The following MARK2 variants were observed in gnomAD, a reference collection of about 807,000 sequenced individuals.
The protein encoded by MARK2 is serine/threonine-protein kinase MARK2.
A neutral mutation model predicts 89.8 loss-of-function variants in MARK2; 16 were observed. The observed-to-expected ratio is 0.18, with a 90% CI of 0.12 to 0.27. The LOEUF (loss-of-function observed/expected upper bound fraction) is 0.27. MARK2 is among the 10% of genes least tolerant of loss of function. MARK2 has a pLI of 1.00. For missense variants in MARK2, 621 were observed against 1,049.9 expected (o/e 0.59, Z 5.65); for synonymous variants, 382 against 399.5 (o/e 0.96, Z 0.52).
chr11:63,902,928 A>C lies in MARK2; in HGVS notation c.1417-133A>C. On this transcript the variant is annotated intron_variant, in intron 13 of 18. Transcript: ENST00000402010. The surrounding 1 kb of genome is among the most constrained non-coding windows in gnomAD (Gnocchi z 4.2). ...CCTCGCTCCCAGCAGTAAATGCAGA[A>C]TCCTTTCCTTAACCTACCACTGTCT... is the stretch of plus-strand genomic sequence containing the variant. The C allele has an allele frequency of 9.5e-7, 1 of 1,049,624 alleles. No individual in the cohort carries two copies. The highest frequency in any genetic ancestry group is 1.4e-5 in the South Asian group (1 of 73,792). The allele number at this position is 1,049,624 out of a possible 1,614,324, so 65.0% of individuals were successfully genotyped here.
Position 63,904,032 on chromosome 11 carries a change from G to A in MARK2, c.1561G>A (p.Ala521Thr), listed in dbSNP as rs771286708. The A allele has an allele frequency of 2.4e-5, 39 of 1,606,568 alleles. No individual in the cohort carries two copies. Among genetic ancestry groups the A allele is most frequent in the Admixed American group, 5.0e-5 (3 of 59,732 alleles). Residue 521 changes from alanine to threonine, a missense_variant, in exon 15 of 19, where the codon GCA becomes ACA. By Grantham distance (58) the Ala-to-Thr change is moderately conservative. Coordinates refer to ENST00000402010, the MANE Select transcript of MARK2 (RefSeq NM_001039469.3). The surrounding 1 kb of genome is among the most constrained non-coding windows in gnomAD (Gnocchi z 6.3). ...GGCCTCCACGGCTTCTGCTTCTGCC[G>A]CAGTCTCTGCGGCCCGGCCCCGCCA... ...SRASTASASA[A>T]VSAARPRQHQ...
Position 63,909,627 on chromosome 11 carries a change from TTG to T in MARK2, c.*391_*392del, listed in dbSNP as rs1941623718. On this transcript the variant is annotated 3_prime_UTR_variant, in exon 19 of 19. Transcript: ENST00000402010. ...GCGGCCACCTTTCCTCCCTGCCCCA[TTG>T]GGACAGTCGAGACTGGATCTGTGGG... 6.3e-6 allele frequency: 1 copy of T among 158,576 alleles called. No homozygotes were observed. The highest frequency in any genetic ancestry group is 1.4e-5 in the Non-Finnish European group (1 of 72,310). 9.8% of individuals were successfully genotyped at this position (158,576 alleles called of 1,614,324 possible). A position where few individuals can be genotyped will look rare whatever the true frequency, so the allele number is the denominator to read the frequency against.
intron 1 of MARK2, among the ~76,000 whole-genome samples, chr11:63,853,377 C>T (rs1180107645): frequency 3.4e-5 from 5 of 149,014 alleles, no homozygotes; most frequent in Non-Finnish European, 7.4e-5. Context: ...CCAGCCTGGG[C>T]GACAAGAGCG....
rs1940643064 is a variant in MARK2 at position 63,898,962 on chromosome 11, G to A, written c.475-90G>A. The A allele has an allele frequency of 2.5e-6, 3 of 1,223,086 alleles. No homozygotes were observed. The African/African-American group carries it at 4.5e-5, about 18-fold the overall frequency. The allele number at this position is 1,223,086 out of a possible 1,614,324, so 75.8% of individuals were successfully genotyped here. A position where few individuals can be genotyped will look rare whatever the true frequency, so the allele number is the denominator to read the frequency against. On this transcript the variant is annotated intron_variant, in intron 6 of 18. Coordinates refer to ENST00000402010, the MANE Select transcript of MARK2 (RefSeq NM_001039469.3). ...TGGGCTCTGCTTATCCGTGTGGCAGGTTAGCACTAAGTCACAGGGTCACTG... is the reference window on the plus strand; with the variant it reads ...TGGGCTCTGCTTATCCGTGTGGCAGATTAGCACTAAGTCACAGGGTCACTG...
intron 1 of MARK2, among the ~76,000 whole-genome samples, chr11:63,840,389 C>T (rs112323333): frequency 6.6e-6 from 1 of 152,140 alleles, no homozygotes; most frequent in Non-Finnish European, 1.5e-5. Flanking sequence ...GTCCCTGGGC[C>T]TCTTGTTTCT....
rs1939543224 is a variant in MARK2 at position 63,888,476 on chromosome 11, C to T, written c.55-6683C>T. On this transcript the variant is annotated intron_variant, in intron 1 of 18. Transcript: ENST00000402010. ...AGCACCTTGGGGAGGGTGGGGCTGC[C>T]CACTTCCGGGGAGGGGGGGAGGGGG... 4.0e-6 allele frequency: 4 copies of T among 1,002,412 alleles called. No individual in the cohort carries two copies. The South Asian group carries it at 1.5e-4, about 37-fold the overall frequency. 62.1% of individuals were successfully genotyped at this position (1,002,412 alleles called of 1,614,324 possible).
At chr11:63,895,367 C>T (rs370344410) in intron 2 of MARK2, 29 bp downstream of exon 2, 10 of 1,603,376 alleles carry the variant, frequency 6.2e-6, no homozygotes, top group Non-Finnish European at 7.7e-6. Flanking sequence ...GACATGGCAG[C>T]ACCTCCCAGC....
In MARK2 at chr11:63,888,499, G is replaced by A. The variant is rs556616344; in HGVS notation, c.55-6660G>A. The stretch of plus-strand genomic sequence containing the variant: ...GCCCACTTCCGGGGAGGGGGGGAGG[G>A]GGAGGGGAGAAGGAAGTTGATCTAA... On this transcript the variant is annotated intron_variant, in intron 1 of 18. Coordinates refer to ENST00000402010, the MANE Select transcript of MARK2 (RefSeq NM_001039469.3). 57 of 1,008,938 alleles carry A rather than the reference G, an allele frequency of 5.6e-5. No homozygotes were observed. The African/African-American group carries it at 6.1e-4, about 11-fold the overall frequency. The allele number at this position is 1,008,938 out of a possible 1,614,324, so 62.5% of individuals were successfully genotyped here.
intron 1 of MARK2, chr11:63,888,969 G>T (rs1415861576): frequency 7.4e-7 from 1 of 1,351,390 alleles, no homozygotes; most frequent in Non-Finnish European, 9.8e-7. Context: ...AGTCGGGTAT[G>T]TTGTCCCCCT....
chr11:63,859,640 T>G (rs771414188), intron 1 of MARK2, among the ~76,000 whole-genome samples: 6 of 151,558 alleles, frequency 4.0e-5, no homozygotes, highest in Non-Finnish European at 5.9e-5. Context: ...TATCTTTCTT[T>G]TTTTTTTTCG....
At chr11:63,907,518 G>T (rs900098526) in intron 17 of MARK2, among the ~76,000 whole-genome samples, 1 of 152,210 alleles carries the variant, frequency 6.6e-6, no homozygotes, top group Non-Finnish European at 1.5e-5. Flanking sequence ...GCCAGGAGCT[G>T]GAGAAGCCGC....
chr11:63,893,071 C>A (rs1332049761), intron 1 of MARK2, among the ~76,000 whole-genome samples: 1 of 151,458 alleles, frequency 6.6e-6, no homozygotes, highest in African/African-American at 2.4e-5. Context: ...ATCCACCATG[C>A]CCAGCTAATT....
At chr11:63,886,252 G>A (rs556178721) in intron 1 of MARK2, among the ~76,000 whole-genome samples, 118 of 151,778 alleles carry the variant, frequency 7.8e-4, no homozygotes, top group African/African-American at 2.7e-3. Context: ...TTAGCCTCCC[G>A]AGTAGCTGAG....
intron 1 of MARK2, among the ~76,000 whole-genome samples, chr11:63,858,458 A>C (rs1590987194): frequency 6.6e-6 from 1 of 152,054 alleles, no homozygotes; most frequent in Non-Finnish European, 1.5e-5. Flanking sequence ...GGTTCAAGTG[A>C]TTCTCCTGCC....
At chr11:63,847,539 T>C (rs914070366) in intron 1 of MARK2, among the ~76,000 whole-genome samples, 1 of 152,198 alleles carries the variant, frequency 6.6e-6, no homozygotes, top group East Asian at 1.9e-4. Flanking sequence ...CCTATTTTCT[T>C]GTGTGCTCTT....
At position 63,898,297 on chromosome 11, in the gene MARK2, A is replaced by C; in HGVS notation, c.337+17A>C. ...CCAACATAGGTGAGCACAAGTTGTT[A>C]TTTCTTTCTTCTTCCCCAACAGCAA... On this transcript the variant is annotated intron_variant, in intron 4 of 18. Coordinates refer to ENST00000402010, the MANE Select transcript of MARK2 (RefSeq NM_001039469.3). 3 of 1,610,854 alleles carry C rather than the reference A, an allele frequency of 1.9e-6. No individual in the cohort carries two copies. Among genetic ancestry groups the C allele is most frequent in the Non-Finnish European group, 2.5e-6 (3 of 1,177,120 alleles).
rs1383623127 is a variant in MARK2, at chr11:63,910,721, C to CCCTTGGCCAG, written c.*1484_*1485insCCTTGGCCAG. On this transcript the variant is annotated 3_prime_UTR_variant, in exon 19 of 19. Coordinates refer to ENST00000402010, the MANE Select transcript of MARK2 (RefSeq NM_001039469.3). ...ACCCCCGCTCCCAGGCCAGGCTCAG[C>CCCTTGGCCAG]GATTAAGCCGAGCCCTTGCGTCCTA... 1 of 151,044 alleles carries CCCTTGGCCAG rather than the reference C, an allele frequency of 6.6e-6. No individual in the cohort carries two copies. Among genetic ancestry groups the CCCTTGGCCAG allele is most frequent in the Non-Finnish European group, 1.5e-5 (1 of 67,872 alleles). 9.4% of individuals were successfully genotyped at this position (151,044 alleles called of 1,614,324 possible).
At chr11:63,906,905 C>T (rs1941387595) in intron 17 of MARK2, among the ~76,000 whole-genome samples, 1 of 151,792 alleles carries the variant, frequency 6.6e-6, no homozygotes, top group South Asian at 2.1e-4. Flanking sequence ...CAGATATGGC[C>T]TGTCTCTTCC....
intron 4 of MARK2, 93 bp downstream of exon 4, chr11:63,898,373 G>C: frequency 1.6e-6 from 2 of 1,233,140 alleles, no homozygotes; most frequent in Non-Finnish European, 2.4e-6. Flanking sequence ...CTGCCTTCTG[G>C]AGTCTGCAGT....
Sources: allele counts gnomAD v4.1 joint callset (sites outside exome capture counted in the v4.1 genomes callset), GRCh38; gene constraint gnomAD v4.1.1; non-coding constraint Gnocchi (gnomAD v3.1); transcripts MANE v1.5; gene names NCBI Gene and HGNC (gene_info 2026-07-23, HGNC 2026-07-21).